Variants in OGT observed in about 807,000 individuals in gnomAD.
OGT encodes UDP-N-acetylglucosamine--peptide N-acetylglucosaminyltransferase 110 kDa subunit.
In OGT, 3 loss-of-function variants were observed where a neutral mutation model predicts 75.8. That is an observed-to-expected ratio of 0.04 (90% CI 0.02 to 0.10). The LOEUF (loss-of-function observed/expected upper bound fraction) is 0.10, where lower values mean the gene tolerates loss of function less well. OGT is among the 10% of genes least tolerant of loss of function. The probability of loss-of-function intolerance (pLI) is 1.00; values close to 1 mark genes in which losing one functional copy is unlikely to be tolerated. For missense variants in OGT, 260 were observed against 824.4 expected, an observed-to-expected ratio of 0.32 and a Z score of 8.38; for synonymous variants, 257 against 289.7, an observed-to-expected ratio of 0.89 and a Z score of 1.15.
chrX:71,566,440 G>A (rs1482436053), intron 19 of OGT, among the ~76,000 whole-genome samples: 2 of 112,078 alleles, frequency 1.8e-5, no homozygotes, highest in Non-Finnish European at 3.8e-5. Context: ...GCGGAAAAGG[G>A]AGCAAACATG....
At chrX:71,569,719 C>T (rs1027422695) in intron 21 of OGT, among the ~76,000 whole-genome samples, 6 of 109,478 alleles carry the variant, frequency 5.5e-5, no homozygotes, top group African/African-American at 2.0e-4. Context: ...GTTGCCCAGG[C>T]TGGATATTTC....
chrX:71,546,509 C>T, intron 4 of OGT: 2 of 754,048 alleles, frequency 2.7e-6, no homozygotes, highest in Non-Finnish European at 3.1e-6. Flanking sequence ...TTGTAACTGC[C>T]ACAGCAAAAC....
At chrX:71,536,422 A>G (rs2040175834) in intron 2 of OGT, 64 bp downstream of exon 2, 1 of 931,823 alleles carries the variant, frequency 1.1e-6, no homozygotes, top group South Asian at 3.7e-5. Flanking sequence ...GAAAAATGAT[A>G]CTTAAATATT....
chrX:71,553,471 G>GTT, intron 5 of OGT: 1 of 109,198 alleles, frequency 9.2e-6, no homozygotes, highest in Non-Finnish European at 1.9e-5. Context: ...CGGTGTGTGT[G>GTT]TTTTTTTTTG....
At position 71,537,886 on chromosome X, in the gene OGT, T is replaced by C. The variant is rs779514106; in HGVS notation, c.276T>C (p.Tyr92=). The C allele has an allele frequency of 1.7e-6, 2 of 1,211,769 alleles. No homozygotes were observed. Among genetic ancestry groups the C allele is most frequent in the East Asian group, 5.9e-5 (2 of 33,870 alleles). Residue 92 remains tyrosine (Y), a synonymous_variant, in exon 3 of 22, where the codon TAT becomes TAC. Coordinates refer to ENST00000373719, the MANE Select transcript of OGT (RefSeq NM_181672.3). ...AGAACCCCCTTCTGGCAGAAGCTTA[T>C]TCGAATTTGGGGAATGTGTACAAGG... ...IKQNPLLAEA[Y]SNLGNVYKER... is the part of the protein sequence containing the mutation.
chrX:71,547,826 C>CTT (rs753947706), intron 4 of OGT, 81 bp from the exon 5 acceptor site: 20 of 725,173 alleles, frequency 2.8e-5, no homozygotes, highest in South Asian at 8.7e-5. Context: ...TCCCCCCAAT[C>CTT]TTTTTTTTTT....
Position 71,568,006 on chromosome X carries a change from T to C in OGT, c.2856T>C (p.Ala952=), listed in dbSNP as rs200283810. Residue 952 remains alanine (A), a synonymous_variant, in exon 21 of 22, where the codon GCT becomes GCC. Coordinates refer to ENST00000373719, the MANE Select transcript of OGT (RefSeq NM_181672.3). The part of the protein sequence containing the change: ...PMVTMPGETL[A]SRVAASQLTC... The stretch of plus-strand genomic sequence containing the variant: ...TTTGTATTACAGGAGAGACTCTTGC[T>C]TCTCGAGTTGCAGCATCCCAGCTCA... 4.8e-5 allele frequency: 58 copies of C among 1,207,417 alleles called. 1 individual carries two copies. The Admixed American group carries it at 9.1e-4, about 19-fold the overall frequency.
At chrX:71,544,057 A>G (rs1225367553) in intron 3 of OGT, among the ~76,000 whole-genome samples, 1 of 110,145 alleles carries the variant, frequency 9.1e-6, no homozygotes, top group Admixed American at 9.8e-5. Flanking sequence ...AAGTGTGGGG[A>G]TTACAGGCAT....
intron 21 of OGT, among the ~76,000 whole-genome samples, chrX:71,570,428 TAAAG>T (rs1027698742): frequency 1.8e-5 from 2 of 111,776 alleles, no homozygotes; most frequent in Non-Finnish European, 3.8e-5. Context: ...ACATAATAAT[TAAAG>T]AAACATACTT....
At chrX:71,536,998 C>G (rs1376965186) in intron 2 of OGT, 3 of 112,324 alleles carry the variant, frequency 2.7e-5, no homozygotes, top group African/African-American at 1.3e-4. Context: ...GACGGAGTTT[C>G]GCTCTTGTTG....
At chrX:71,558,101 G>A (rs758560564) in intron 12 of OGT, among the ~76,000 whole-genome samples, 9 of 109,577 alleles carry the variant, frequency 8.2e-5, no homozygotes, top group Non-Finnish European at 1.5e-4. Flanking sequence ...GACTACAGGC[G>A]CATGCCACCA....
chrX:71,542,217 G>T (rs2040224412), intron 3 of OGT, among the ~76,000 whole-genome samples: 2 of 111,905 alleles, frequency 1.8e-5, no homozygotes, highest in Non-Finnish European at 3.8e-5. Context: ...AAATATAATT[G>T]TCAAAAACAT....
At chrX:71,559,179 G>C (rs1602149895) in intron 12 of OGT, 88 bp from the exon 13 acceptor site, 1 of 855,045 alleles carries the variant, frequency 1.2e-6, no homozygotes, top group East Asian at 3.2e-5. Context: ...CAACAGGTGT[G>C]AGGTATAGGT....
chrX:71,559,334 G>A lies in OGT; in HGVS notation c.1670G>A (p.Arg557His). 1.7e-6 allele frequency: 2 copies of A among 1,209,904 alleles called. No individual in the cohort carries two copies. The highest frequency in any genetic ancestry group is 2.2e-6 in the Non-Finnish European group (2 of 893,917). ...KDLKLSDGRL[R>H]VGYVSSDFGN... ...TTGAAGCTCAGTGATGGTCGGCTGC[G>A]TGTAGGATATGTGAGTTCCGACTTT... The change falls in exon 13 of 22, where the codon CGT (arginine) becomes CAT (histidine). Residue 557 changes from arginine to histidine, a missense_variant. This residue lies in a region of OGT where 99 missense variants were observed against 417.9 expected (regional missense o/e 0.24). Transcript: ENST00000373719.
Position 71,564,618 on chromosome X carries a change from A to G in OGT, c.2454A>G (p.Ala818=), listed in dbSNP as rs776068362. ...TGTTCTAGATCAACAATAAGGCTGC[A>G]ACTGGAGAGGAGGTTCCCCGTACCA... ...LATTQINNKA[A]TGEEVPRTII... is the part of the protein sequence containing the mutation. The change falls in exon 19 of 22, where the codon GCA becomes GCG. Residue 818 remains alanine (A), a synonymous_variant. Transcript: ENST00000373719. The G allele has an allele frequency of 1.7e-6, 2 of 1,206,313 alleles. No homozygotes were observed. Among genetic ancestry groups the G allele is most frequent in the Non-Finnish European group, 2.2e-6 (2 of 892,266 alleles).
chrX:71,555,798 T>A, intron 7 of OGT, 156 bp from the exon 8 acceptor site: 2 of 577,492 alleles, frequency 3.5e-6, no homozygotes, highest in Non-Finnish European at 2.7e-6. Flanking sequence ...GTATATTGGT[T>A]TACTTTAGAG....
In OGT at chrX:71,570,485, T is replaced by G. The variant is rs184785293; in HGVS notation, c.2966+2369T>G. Among the ~76,000 whole-genome samples, 3 of 112,165 alleles carry G rather than the reference T, an allele frequency of 2.7e-5. No individual in the cohort carries two copies. The East Asian group carries it at 8.4e-4, about 31-fold the overall frequency. On this transcript the variant is annotated intron_variant, in intron 21 of 21. Transcript: ENST00000373719. ...GAGTGAACCCAAGCTCTCCTACTTA[T>G]GAGTTTTGAGACTTTGGGCAAATAA...
intron 21 of OGT, among the ~76,000 whole-genome samples, chrX:71,572,859 A>G (rs1404645137): frequency 8.9e-6 from 1 of 112,501 alleles, no homozygotes; most frequent in Non-Finnish European, 1.9e-5. Flanking sequence ...CCCTTCATCT[A>G]AGAATAATCT....
chrX:71,562,400 G>A (rs1311788890), intron 15 of OGT, among the ~76,000 whole-genome samples: 1 of 112,950 alleles, frequency 8.9e-6, no homozygotes, highest in Non-Finnish European at 1.9e-5. Flanking sequence ...AGGAGTTTGA[G>A]GCTGCAGTGA....
Sources: allele counts gnomAD v4.1 joint callset (sites outside exome capture counted in the v4.1 genomes callset), GRCh38; gene constraint gnomAD v4.1.1; regional missense constraint gnomAD v4.1.1; transcripts MANE v1.5; gene names NCBI Gene and HGNC (gene_info 2026-07-23, HGNC 2026-07-21).